Variants in CRYBG2 observed in about 807,000 individuals in gnomAD.
The protein encoded by CRYBG2 is crystallin beta-gamma domain containing 2.
A neutral mutation model predicts 153.4 loss-of-function variants in CRYBG2; 106 were observed. The observed-to-expected ratio is 0.69, with a 90% CI of 0.59 to 0.81. The LOEUF (loss-of-function observed/expected upper bound fraction) is 0.81. Among genes scored for constraint, CRYBG2 ranks in the 30% least tolerant of loss-of-function variants. The pLI is 0.00. For synonymous variants in CRYBG2, 851 were observed against 877.8 expected (o/e 0.97, Z 0.54); for missense variants, 1,996 against 2,112.0 (o/e 0.95, Z 1.08).
chr1:26,336,564 C>G lies in CRYBG2; in HGVS notation c.4038+42G>C. On this transcript the variant is annotated intron_variant, in intron 12 of 19. Transcript: ENST00000308182. The surrounding 1 kb of genome is among the most constrained non-coding windows in gnomAD (Gnocchi z 4.9). The stretch of plus-strand genomic sequence containing the variant: ...GGCGGGGCGCACCCGAACTCCAGGT[C>G]CCGCCACCGGGGAGGCCCCGCCCCC... 1 of 1,541,292 alleles carries G rather than the reference C, an allele frequency of 6.5e-7. No homozygotes were observed. Among genetic ancestry groups the G allele is most frequent in the Non-Finnish European group, 8.7e-7 (1 of 1,142,878 alleles).
chr1:26,328,828 C>T lies in CRYBG2; in HGVS notation c.4360G>A (p.Glu1454Lys), dbSNP rs147638674. 18 of 1,613,986 alleles carry T rather than the reference C, an allele frequency of 1.1e-5. No individual in the cohort carries two copies. The African/African-American group carries it at 1.3e-4, about 12-fold the overall frequency. ...CTGCTGAGCTCGATCTCCTTCCCCTCGAAGCACTCGAGTCCATACAGGAAA... is the reference window on the plus strand; with the variant it reads ...CTGCTGAGCTCGATCTCCTTCCCCTTGAAGCACTCGAGTCCATACAGGAAA... ...SIFLYGLECF[E>K]GKEIELSREV... The change falls in exon 16 of 20, where the codon GAG becomes AAG. Residue 1454 changes from glutamate (E) to lysine (K), a missense_variant. Physicochemically the swap from Glu to Lys is moderately conservative, Grantham distance 56. Coordinates refer to ENST00000308182, the MANE Select transcript of CRYBG2 (RefSeq NM_001039775.4).
Position 26,344,132 on chromosome 1 carries a change from A to G in CRYBG2, c.2526T>C (p.Asp842=). The part of the protein sequence containing the change: ...EEPENPYLSD[D]EKLQRRQEKA... Reference sequence around the variant, plus strand: ...TCTCCTGCCTGCGCTGGAGCTTCTCATCGTCACTCAGATAGGGGTTCTCTG... The same window carrying G: ...TCTCCTGCCTGCGCTGGAGCTTCTCGTCGTCACTCAGATAGGGGTTCTCTG... The change falls in exon 2 of 20, where the codon GAT becomes GAC. Residue 842 remains aspartate (D), a synonymous_variant. Transcript: ENST00000308182. 2 of 1,535,870 alleles carry G rather than the reference A, an allele frequency of 1.3e-6. No individual in the cohort carries two copies. Among genetic ancestry groups the G allele is most frequent in the Non-Finnish European group, 8.7e-7 (1 of 1,146,836 alleles).
At position 26,345,311 on chromosome 1, in the gene CRYBG2, G is replaced by A; in HGVS notation, c.1347C>T (p.Asn449=). The change falls in exon 2 of 20, where the codon AAC becomes AAT. Residue 449 remains asparagine (N), a synonymous_variant. Transcript: ENST00000308182. ...AGGGGAGGACAGGGACATTTTCAGA[G>A]TTCTGAACAAACTTATTCCTTGGGG... ...PSSPRNKFVQ[N]SENVPVLPFT... 6.2e-7 allele frequency: 1 copy of A among 1,613,634 alleles called. No homozygotes were observed. The highest frequency in any genetic ancestry group is 1.3e-5 in the African/African-American group (1 of 75,034).
At chr1:26,340,705 C>T (rs1024880770) in intron 5 of CRYBG2, among the ~76,000 whole-genome samples, 5 of 152,142 alleles carry the variant, frequency 3.3e-5, no homozygotes, top group Middle Eastern at 3.4e-3. Context: ...CTCTGCCTCC[C>T]GGGTTCAAGC....
intron 14 of CRYBG2, among the ~76,000 whole-genome samples, chr1:26,334,858 G>A (rs1373371493): frequency 6.6e-6 from 1 of 152,050 alleles, no homozygotes; most frequent in Non-Finnish European, 1.5e-5. Context: ...GGAGGCAGAG[G>A]CTGCAGTGAG....
chr1:26,351,389 C>T (rs1199456358), intron 1 of CRYBG2, among the ~76,000 whole-genome samples: 2 of 152,168 alleles, frequency 1.3e-5, no homozygotes, highest in African/African-American at 4.8e-5. Context: ...AGCTCTAACT[C>T]ATTCATTCAT....
intron 14 of CRYBG2, among the ~76,000 whole-genome samples, chr1:26,332,280 C>G (rs2074005518): frequency 7.2e-6 from 1 of 139,084 alleles, no homozygotes; most frequent in Non-Finnish European, 1.5e-5. Flanking sequence ...ACACTCCAGC[C>G]TGGGCAACAG....
chr1:26,349,261 G>C (rs765553162), intron 1 of CRYBG2, among the ~76,000 whole-genome samples: 7 of 152,170 alleles, frequency 4.6e-5, no homozygotes, highest in Non-Finnish European at 8.8e-5. Flanking sequence ...CCTCGATTCT[G>C]TCCTCTGTGA....
In CRYBG2 at chr1:26,336,193, G is replaced by T; in HGVS notation, c.4086C>A (p.Ser1362=). 6.4e-7 allele frequency: 1 copy of T among 1,553,184 alleles called. No homozygotes were observed. The part of the protein sequence containing the change: ...LHFVSKIQLF[S]RPDFLGDHFS... ...AGTGGTCGCCCAGAAAGTCGGGGCG[G>T]GAGAAAAGCTGAATCTGGAGGCAGA... The change falls in exon 14 of 20, where the codon TCC becomes TCA. Residue 1362 remains serine (S), a synonymous_variant. Coordinates refer to ENST00000308182, the MANE Select transcript of CRYBG2 (RefSeq NM_001039775.4). The surrounding 1 kb of genome is among the most constrained non-coding windows in gnomAD (Gnocchi z 4.9).
intron 17 of CRYBG2, among the ~76,000 whole-genome samples, chr1:26,327,612 G>A (rs939082654): frequency 6.6e-6 from 1 of 151,358 alleles, no homozygotes; most frequent in African/African-American, 2.4e-5. Context: ...TCGTGCCATT[G>A]CACTCCAACC....
rs779286535 is a variant in CRYBG2, at chr1:26,337,668, C to T, written c.3514G>A (p.Val1172Met). The change falls in exon 9 of 20, where the codon GTG becomes ATG. Residue 1172 changes from valine (V) to methionine (M), a missense_variant. By Grantham distance (21) the Val-to-Met change is conservative. Transcript: ENST00000308182. ...CCCTGAAAGCCTGGGGCCTCATACA[C>T]CACAGCCTGGGGGAAAGGGGCTGTC... ...VEKPGEPRAV[V>M]YEAPGFQGRS... The T allele has an allele frequency of 3.1e-6, 5 of 1,611,320 alleles. No individual in the cohort carries two copies. The highest frequency in any genetic ancestry group is 4.2e-6 in the Non-Finnish European group (5 of 1,179,842).
rs140275911 is a variant in CRYBG2 at position 26,340,254 on chromosome 1, G to A, written c.3205-825C>T. Among the ~76,000 whole-genome samples the A allele has an allele frequency of 1.2e-3, 176 of 152,300 alleles. 1 individual carries two copies. The highest frequency in any genetic ancestry group is 3.9e-3 in the African/African-American group (161 of 41,554). On this transcript the variant is annotated intron_variant, in intron 5 of 19. Transcript: ENST00000308182. ...GTACGAAGCATCTACTGCATGCAAG[G>A]CACTGTGCTAAGGTCATGTCCTACC...
In CRYBG2 at chr1:26,346,023, T is replaced by A. The variant is rs1268373319; in HGVS notation, c.635A>T (p.Gln212Leu). 1 of 1,593,076 alleles carries A rather than the reference T, an allele frequency of 6.3e-7. No homozygotes were observed. Among genetic ancestry groups the A allele is most frequent in the African/African-American group, 1.3e-5 (1 of 74,824 alleles). ...CACTGGCGGCACCATGCGGGAGACC[T>A]GACGGCCCCGTGGCAGGGCCTCGCC... ...SSGEALPRGRQVSRMVPPVVV... is the reference protein window; with the variant it reads ...SSGEALPRGRLVSRMVPPVVV... Residue 212 changes from glutamine (Q) to leucine (L), a missense_variant, in exon 2 of 20, where the codon CAG becomes CTG. Gln to Leu is a moderately radical substitution (Grantham distance 113). Transcript: ENST00000308182. This position sits in a 1 kb window ranked among gnomAD's most constrained non-coding sequence, Gnocchi z 4.9.
In CRYBG2 at chr1:26,321,982, T is replaced by C. The variant is rs752211823; in HGVS notation, c.4972A>G (p.Ile1658Val). ...GGGGAAAAGTTTCAAAGCACGTGGA[T>C]AGTCCAGATCTGGGATGCCCTGTCC... is the stretch of plus-strand genomic sequence containing the variant. Reference protein sequence around the residue: ...DEDRASQIWTIHVL With the variant: ...DEDRASQIWTVHVL The change falls in exon 20 of 20, where the codon ATC becomes GTC. Residue 1658 changes from isoleucine to valine, a missense_variant. Physicochemically the swap from Ile to Val is conservative, Grantham distance 29. Coordinates refer to ENST00000308182, the MANE Select transcript of CRYBG2 (RefSeq NM_001039775.4). 1.3e-6 allele frequency: 2 copies of C among 1,589,622 alleles called. No individual in the cohort carries two copies. The highest frequency in any genetic ancestry group is 1.1e-5 in the South Asian group (1 of 89,986).
chr1:26,336,746 G>C lies in CRYBG2; in HGVS notation c.3912-14C>G. ...TAGGCCACCCACCTGCAGGAAGGGC[G>C]GGGCGCGAGTCAGCTGGGACGGAGC... On this transcript the variant is annotated splice_polypyrimidine_tract_variant and intron_variant, in intron 11 of 19. Coordinates refer to ENST00000308182, the MANE Select transcript of CRYBG2 (RefSeq NM_001039775.4). The surrounding 1 kb of genome is among the most constrained non-coding windows in gnomAD (Gnocchi z 4.9). 1 of 1,581,220 alleles carries C rather than the reference G, an allele frequency of 6.3e-7. No homozygotes were observed. Among genetic ancestry groups the C allele is most frequent in the Non-Finnish European group, 8.6e-7 (1 of 1,163,456 alleles).
Position 26,344,219 on chromosome 1 carries a change from C to T in CRYBG2, c.2439G>A (p.Leu813=). The change falls in exon 2 of 20, where the codon CTG becomes CTA. Residue 813 remains leucine, a synonymous_variant. Coordinates refer to ENST00000308182, the MANE Select transcript of CRYBG2 (RefSeq NM_001039775.4). The part of the protein sequence containing the change: ...IEEDQLGPWV[L]GPGPQEVPSL... ...AAGGCACCTCCTGGGGTCCGGGGCC[C>T]AGCACCCATGGCCCCAGCTGGTCCT... The T allele has an allele frequency of 6.5e-7, 1 of 1,535,698 alleles. No individual in the cohort carries two copies. Among genetic ancestry groups the T allele is most frequent in the Non-Finnish European group, 8.7e-7 (1 of 1,146,500 alleles).
At position 26,331,451 on chromosome 1, in the gene CRYBG2, GC is replaced by G. The variant is rs2073995336; in HGVS notation, c.4314+37del. 5.0e-6 allele frequency: 8 copies of G among 1,595,768 alleles called. No individual in the cohort carries two copies. The East Asian group carries it at 1.8e-4, about 36-fold the overall frequency. ...CAGAAGTCCCACAGCAGCAACTTCT[GC>G]TTCCGGGATTGCCTGGAACCAGACA... On this transcript the variant is annotated intron_variant, in intron 15 of 19. Coordinates refer to ENST00000308182, the MANE Select transcript of CRYBG2 (RefSeq NM_001039775.4).
Position 26,336,542 on chromosome 1 carries a change from G to C in CRYBG2, c.4038+64C>G, listed in dbSNP as rs1182214029. 1 of 1,540,070 alleles carries C rather than the reference G, an allele frequency of 6.5e-7. No individual in the cohort carries two copies. The highest frequency in any genetic ancestry group is 8.8e-7 in the Non-Finnish European group (1 of 1,142,056). ...CAGCCCGCTACCTCTGCGTGGGGGC[G>C]GGGCGCACCCGAACTCCAGGTCCCG... On this transcript the variant is annotated intron_variant, in intron 12 of 19. Transcript: ENST00000308182. The surrounding 1 kb of genome is among the most constrained non-coding windows in gnomAD (Gnocchi z 4.9).
chr1:26,339,662 G>C (rs532715492), intron 5 of CRYBG2, among the ~76,000 whole-genome samples: 1 of 152,008 alleles, frequency 6.6e-6, no homozygotes, highest in Non-Finnish European at 1.5e-5. Context: ...CTTGAACCTG[G>C]GAGGCAGAGG....
Sources: gnomAD v4.1 joint callset for allele counts (sites outside exome capture counted in the v4.1 genomes callset) on GRCh38, gnomAD v4.1.1 for gene constraint, Gnocchi (gnomAD v3.1) non-coding constraint, MANE v1.5 for transcripts, NCBI Gene and HGNC (gene_info 2026-07-23, HGNC 2026-07-21) for gene names.